MBD5: variants seen among roughly 807,000 people sequenced by gnomAD.
The protein encoded by MBD5 is methyl-CpG-binding domain protein 5.
A neutral mutation model predicts 117.3 loss-of-function variants in MBD5; 13 were observed. The observed-to-expected ratio is 0.11, with a 90% confidence interval of 0.07 to 0.18. The LOEUF (loss-of-function observed/expected upper bound fraction) is 0.18, where lower values mean the gene tolerates loss of function less well. Among genes scored for constraint, MBD5 ranks in the 10% least tolerant of loss-of-function variants. The pLI, the probability that MBD5 is intolerant of heterozygous loss-of-function variation, is 1.00. For missense variants in MBD5, 1,879 were observed against 2,093.8 expected (o/e 0.90, Z 2.00); for synonymous variants, 727 against 766.4 (o/e 0.95, Z 0.85).
intron 1 of MBD5, among the ~76,000 whole-genome samples, chr2:148,115,060 T>C (rs1696599312): frequency 6.6e-6 from 1 of 152,162 alleles, no homozygotes; most frequent in South Asian, 2.1e-4. Flanking sequence ...TTTAAATTTA[T>C]GAAAGTGGGA....
chr2:148,201,646 A>G (rs183886495), intron 2 of MBD5, among the ~76,000 whole-genome samples: 6 of 152,302 alleles, frequency 3.9e-5, no homozygotes, highest in East Asian at 1.9e-4. Flanking sequence ...GCATCCAAGA[A>G]GAATGAGGTT....
At chr2:148,180,134 A>G (rs1432230261) in intron 2 of MBD5, among the ~76,000 whole-genome samples, 3 of 151,580 alleles carry the variant, frequency 2.0e-5, no homozygotes, top group Admixed American at 6.6e-5. Flanking sequence ...CCAGTTTTCT[A>G]TAATGAATAT....
At chr2:148,345,148 T>C (rs1043289398) in intron 4 of MBD5, among the ~76,000 whole-genome samples, 3 of 151,618 alleles carry the variant, frequency 2.0e-5, no homozygotes, top group African/African-American at 7.3e-5. Flanking sequence ...GTGAGGGTTC[T>C]TTTAGAGGGA....
At chr2:148,088,933 A>G (rs527757081) in intron 1 of MBD5, among the ~76,000 whole-genome samples, 1 of 152,242 alleles carries the variant, frequency 6.6e-6, no homozygotes, top group South Asian at 2.1e-4. Context: ...AACTCCACCA[A>G]CCAAGTATCT....
chr2:148,111,343 G>A (rs1405435784), intron 1 of MBD5, among the ~76,000 whole-genome samples: 2 of 151,986 alleles, frequency 1.3e-5, no homozygotes, highest in Admixed American at 6.6e-5. Flanking sequence ...GTCTAACCAC[G>A]GGGAATTTAC....
At chr2:148,287,724 A>G (rs1701396166) in intron 3 of MBD5, among the ~76,000 whole-genome samples, 1 of 152,216 alleles carries the variant, frequency 6.6e-6, no homozygotes, top group Non-Finnish European at 1.5e-5. Context: ...GAAGAGCAAT[A>G]GAGCATGTGT....
chr2:148,498,358 C>T (rs188890117), intron 11 of MBD5, among the ~76,000 whole-genome samples: 3 of 152,252 alleles, frequency 2.0e-5, no homozygotes, highest in Non-Finnish European at 4.4e-5. Flanking sequence ...CCAGGTTCTT[C>T]GTTTTTGTTT....
chr2:148,454,550 TAC>T (rs1706825308), intron 4 of MBD5, among the ~76,000 whole-genome samples: 1 of 152,090 alleles, frequency 6.6e-6, no homozygotes, highest in Non-Finnish European at 1.5e-5. Flanking sequence ...TGTTTATGTA[TAC>T]ATATATAGGA....
At chr2:148,423,320 T>C (rs1705670410) in intron 4 of MBD5, among the ~76,000 whole-genome samples, 1 of 152,070 alleles carries the variant, frequency 6.6e-6, no homozygotes. Context: ...TTTTAAAGGC[T>C]AAAATATTTA....
At chr2:148,027,453 G>A (rs1693930443) in intron 1 of MBD5, 1 of 151,696 alleles carries the variant, frequency 6.6e-6, no homozygotes, top group Non-Finnish European at 1.5e-5. Context: ...AGTAACTTTT[G>A]TGTCTCTTCT....
At chr2:148,038,344 A>G (rs1179868858) in intron 1 of MBD5, among the ~76,000 whole-genome samples, 1 of 151,854 alleles carries the variant, frequency 6.6e-6, no homozygotes, top group South Asian at 2.1e-4. Flanking sequence ...TACATCTACA[A>G]AATTTCTAAA....
intron 1 of MBD5, among the ~76,000 whole-genome samples, chr2:148,161,097 T>C (rs1028616716): frequency 6.6e-6 from 1 of 152,220 alleles, no homozygotes; most frequent in African/African-American, 2.4e-5. Flanking sequence ...CTGGTACCGA[T>C]ATATAGTTTA....
At position 148,464,008 on chromosome 2, in the gene MBD5, A is replaced by G. The variant is rs117792543; in HGVS notation, c.397+89A>G. On this transcript the variant is annotated intron_variant, in intron 7 of 13. Coordinates refer to ENST00000642680, the MANE Select transcript of MBD5 (RefSeq NM_001378120.1). ...ATTTTGCCTAGCATTTTCTCATTCT[A>G]CTTTTCAGGCACGCACAATGCTTTT... is the stretch of plus-strand genomic sequence containing the variant. The G allele has an allele frequency of 2.8e-3, 3,805 of 1,340,218 alleles. 148 individuals carry two copies. In the East Asian group the frequency reaches 0.083, roughly 29 times the overall value. The allele number at this position is 1,340,218 out of a possible 1,614,324, so 83.0% of individuals were successfully genotyped here. A position where few individuals can be genotyped will look rare whatever the true frequency, so the allele number is the denominator to read the frequency against.
chr2:148,255,267 CT>C (rs141353935), intron 3 of MBD5, among the ~76,000 whole-genome samples: 19,269 of 152,236 alleles, frequency 0.13, 1,477 homozygotes, highest in Non-Finnish European at 0.18. Flanking sequence ...CGTACCACAC[CT>C]TCTCAGCTCC....
At chr2:148,217,141 G>C (rs1033353325) in intron 2 of MBD5, among the ~76,000 whole-genome samples, 5 of 152,176 alleles carry the variant, frequency 3.3e-5, no homozygotes, top group African/African-American at 1.2e-4. Context: ...GGTGGACACA[G>C]TGTTTTTTCC....
intron 3 of MBD5, among the ~76,000 whole-genome samples, chr2:148,282,536 TA>T (rs969146391): frequency 1.1e-4 from 15 of 135,920 alleles, no homozygotes; most frequent in Admixed American, 4.8e-4. Flanking sequence ...TGTTCAAGGT[TA>T]AAAAAATATG....
At chr2:148,255,079 T>G (rs1700553403) in intron 3 of MBD5, among the ~76,000 whole-genome samples, 1 of 152,188 alleles carries the variant, frequency 6.6e-6, no homozygotes, top group Non-Finnish European at 1.5e-5. Flanking sequence ...ACATTGGTCA[T>G]CTCAGCATAG....
rs551948880 is a variant in MBD5 at position 148,417,925 on chromosome 2, C to T, written c.-556-40278C>T. ...AGTGATCTTGGCTCACTGTGACCTC[C>T]GCCTCCTGGGCTCAAGCGATCCTCC... On this transcript the variant is annotated intron_variant, in intron 4 of 13. Transcript: ENST00000642680. 2.2e-4 allele frequency among the ~76,000 whole-genome samples: 34 copies of T among 151,972 alleles called. No individual in the cohort carries two copies. In the South Asian group the frequency reaches 4.6e-3, roughly 20 times the overall value.
chr2:148,110,642 TG>T (rs1211261928), intron 1 of MBD5, among the ~76,000 whole-genome samples: 1 of 152,036 alleles, frequency 6.6e-6, no homozygotes, highest in Non-Finnish European at 1.5e-5. Flanking sequence ...TGTTCCTGTT[TG>T]TTTTTTTTTA....
Sources: gnomAD v4.1 joint callset for allele counts (sites outside exome capture counted in the v4.1 genomes callset) on GRCh38, gnomAD v4.1.1 for gene constraint, MANE v1.5 for transcripts, NCBI Gene and HGNC (gene_info 2026-07-23, HGNC 2026-07-21) for gene names.